Variants in GCNT1 observed in about 807,000 individuals in gnomAD.
The protein encoded by GCNT1 is beta-1,3-galactosyl-O-glycosyl-glycoprotein beta-1,6-N-acetylglucosaminyltransferase.
GCNT1 carries 16 observed loss-of-function variants against 26.2 expected under a neutral mutation model. That is an observed-to-expected ratio of 0.61 (90% CI 0.41 to 0.93). GCNT1 has a LOEUF of 0.93. GCNT1 is among the 40% of genes least tolerant of loss of function. The pLI, the probability that GCNT1 is intolerant of heterozygous loss-of-function variation, is 0.00. For missense variants in GCNT1, 477 were observed against 526.7 expected, an observed-to-expected ratio of 0.91 and a Z score of 0.92; for synonymous variants, 183 against 190.8, an observed-to-expected ratio of 0.96 and a Z score of 0.34.
At chr9:76,426,836 G>A (rs543224249) in intron 1 of GCNT1, among the ~76,000 whole-genome samples, 9 of 152,106 alleles carry the variant, frequency 5.9e-5, no homozygotes, top group Non-Finnish European at 1.2e-4. Flanking sequence ...GCTTGAACCT[G>A]GGAGGCGGAG....
intron 2 of GCNT1, among the ~76,000 whole-genome samples, chr9:76,465,152 T>A (rs1823964457): frequency 6.8e-6 from 1 of 147,328 alleles, no homozygotes; most frequent in East Asian, 1.9e-4. Context: ...GACTCTGATT[T>A]GAGTTTTTTT....
At chr9:76,418,263 A>C (rs1490201947), upstream of GCNT1, among the ~76,000 whole-genome samples, 1 of 152,214 alleles carries the variant, frequency 6.6e-6, no homozygotes, top group Admixed American at 6.5e-5. Flanking sequence ...TGTGGAAACC[A>C]AAGTTTTATC....
At chr9:76,494,484 A>G (rs560934540) in intron 2 of GCNT1, among the ~76,000 whole-genome samples, 1 of 152,304 alleles carries the variant, frequency 6.6e-6, no homozygotes, top group South Asian at 2.1e-4. Flanking sequence ...ATGAATAGGA[A>G]GGATATCATG....
intron 1 of GCNT1, among the ~76,000 whole-genome samples, chr9:76,442,620 G>T (rs1000545214): frequency 3.3e-5 from 5 of 152,190 alleles, no homozygotes; most frequent in African/African-American, 7.2e-5. Context: ...GGCAGAGGTT[G>T]CAGTGAGCCA....
chr9:76,421,143 A>G (rs12216907), intron 1 of GCNT1, among the ~76,000 whole-genome samples: 8,147 of 152,200 alleles, frequency 0.054, 278 homozygotes, highest in Non-Finnish European at 0.069. Flanking sequence ...CAGTTTTACC[A>G]TTTTCACTTG....
intron 2 of GCNT1, among the ~76,000 whole-genome samples, chr9:76,496,880 C>T (rs922603424): frequency 6.6e-6 from 1 of 152,050 alleles, no homozygotes; most frequent in African/African-American, 2.4e-5. Flanking sequence ...AGGGTAGTGT[C>T]CTCAAGGAAG....
At chr9:76,492,371 T>G (rs1222145807) in intron 2 of GCNT1, among the ~76,000 whole-genome samples, 4 of 152,094 alleles carry the variant, frequency 2.6e-5, no homozygotes, top group Non-Finnish European at 5.9e-5. Flanking sequence ...AGTCTCCCAA[T>G]TACAACTGAG....
chr9:76,457,819 T>C (rs549932696), upstream of GCNT1, among the ~76,000 whole-genome samples: 22 of 152,294 alleles, frequency 1.4e-4, no homozygotes, highest in East Asian at 3.9e-3. Context: ...TTTCATGAGA[T>C]ATTAAACAAA....
chr9:76,499,137 C>CA (rs1824991757), intron 2 of GCNT1, among the ~76,000 whole-genome samples: 1 of 150,788 alleles, frequency 6.6e-6, no homozygotes, highest in Non-Finnish European at 1.5e-5. Flanking sequence ...GTTAACAATC[C>CA]TTTTTTTTGA....
the GCNT1 span, among the ~76,000 whole-genome samples, chr9:76,395,743 T>A: frequency 6.6e-6 from 1 of 152,106 alleles, no homozygotes; most frequent in Non-Finnish European, 1.5e-5. Context: ...CAAAGAATAA[T>A]GAGAATAACG....
chr9:76,497,829 TTTA>T (rs1189969939), intron 2 of GCNT1, among the ~76,000 whole-genome samples: 1 of 152,246 alleles, frequency 6.6e-6, no homozygotes, highest in African/African-American at 2.4e-5. Context: ...TTTGGTGAAC[TTTA>T]TTGTTACTAT....
At chr9:76,480,626 G>C (rs1232985790) in intron 2 of GCNT1, among the ~76,000 whole-genome samples, 7 of 152,176 alleles carry the variant, frequency 4.6e-5, no homozygotes, top group East Asian at 3.9e-4. Context: ...CTTTGGGAGA[G>C]AGAGCATGGG....
upstream of GCNT1, among the ~76,000 whole-genome samples, chr9:76,454,947 A>G (rs1301855272): frequency 1.4e-5 from 2 of 143,864 alleles, no homozygotes; most frequent in Admixed American, 1.5e-4. Flanking sequence ...TCCCGGGTTC[A>G]AGCGACTCTC....
chr9:76,487,580 T>C (rs684271), intron 2 of GCNT1, among the ~76,000 whole-genome samples: 34,799 of 152,180 alleles, frequency 0.23, 4,495 homozygotes, highest in African/African-American at 0.35. Flanking sequence ...CTTGAAGATG[T>C]CTCTCCCAGG....
chr9:76,434,833 G>C lies in GCNT1; in HGVS notation n.38+14946G>C, dbSNP rs557775417. Among the ~76,000 whole-genome samples the C allele has an allele frequency of 5.3e-5, 8 of 152,206 alleles. No individual in the cohort carries two copies. In the East Asian group the frequency reaches 1.5e-3, roughly 29 times the overall value. Reference sequence around the variant, plus strand: ...CCTAGGAAAAGAATTGCATTCCTGGGGAGAGGTCTATAAACAGCCACTCTG... The same window carrying C: ...CCTAGGAAAAGAATTGCATTCCTGGCGAGAGGTCTATAAACAGCCACTCTG... On this transcript the variant is annotated intron_variant and non_coding_transcript_variant, in intron 1 of 3. Transcript: ENST00000488136.
chr9:76,404,581 G>A, the GCNT1 span, among the ~76,000 whole-genome samples: 6 of 152,176 alleles, frequency 3.9e-5, no homozygotes, highest in African/African-American at 1.4e-4. Context: ...GTGATATCGT[G>A]TAACTTCAAA....
At chr9:76,466,550 A>C (rs930425282) in intron 2 of GCNT1, among the ~76,000 whole-genome samples, 2 of 152,102 alleles carry the variant, frequency 1.3e-5, no homozygotes, top group East Asian at 3.9e-4. Context: ...CAATCTGCCC[A>C]CCTTGGCTTC....
upstream of GCNT1, among the ~76,000 whole-genome samples, chr9:76,415,776 C>T (rs1436547314): frequency 6.6e-6 from 1 of 152,128 alleles, no homozygotes; most frequent in African/African-American, 2.4e-5. Flanking sequence ...ATGCTTGGGC[C>T]CCCTCTATCC....
intron 2 of GCNT1, among the ~76,000 whole-genome samples, chr9:76,494,046 A>G (rs1230365003): frequency 6.6e-6 from 1 of 151,446 alleles, no homozygotes; most frequent in African/African-American, 2.4e-5. Flanking sequence ...GAAAGAAAAA[A>G]CCACCCGCGG....
Sources: allele counts gnomAD v4.1 joint callset (sites outside exome capture counted in the v4.1 genomes callset), GRCh38; gene constraint gnomAD v4.1.1; transcripts MANE v1.5; gene names NCBI Gene and HGNC (gene_info 2026-07-23, HGNC 2026-07-21).